Variants in ATRIP observed in about 807,000 individuals in gnomAD.
ATRIP encodes ATR interacting protein.
ATRIP carries 44 observed loss-of-function variants against 78.1 expected under a neutral mutation model. That is an observed-to-expected ratio of 0.56 (90% confidence interval 0.44 to 0.72). ATRIP has a LOEUF of 0.72. Among genes scored for constraint, ATRIP ranks in the 30% least tolerant of loss-of-function variants. The probability of loss-of-function intolerance (pLI) is 0.00; values close to 1 mark genes in which losing one functional copy is unlikely to be tolerated. For synonymous variants in ATRIP, 388 were observed against 408.9 expected, an observed-to-expected ratio of 0.95 and a Z score of 0.62; for missense variants, 927 against 980.2, an observed-to-expected ratio of 0.95 and a Z score of 0.72.
At position 48,460,206 on chromosome 3, in the gene ATRIP, T is replaced by C. The variant is rs952923640; in HGVS notation, c.1152T>C (p.Thr384=). The C allele has an allele frequency of 6.2e-7, 1 of 1,613,944 alleles. No homozygotes were observed. Among genetic ancestry groups the C allele is most frequent in the African/African-American group, 1.3e-5 (1 of 74,948 alleles). The stretch of plus-strand genomic sequence containing the variant: ...GAGAAGCACAGAACCTGGCATTCAC[T>C]GGACTGAATCTGGTTGCCCGGAATG... The part of the protein sequence containing the change: ...ALREAQNLAF[T]GLNLVARNEC... The change falls in exon 8 of 13, where the codon ACT becomes ACC. Residue 384 remains threonine, a synonymous_variant. Coordinates refer to ENST00000320211, the MANE Select transcript of ATRIP (RefSeq NM_130384.3).
At chr3:48,460,827 C>A in intron 8 of ATRIP, 28 bp downstream of exon 8, 1 of 1,557,968 alleles carries the variant, frequency 6.4e-7, no homozygotes, top group Non-Finnish European at 8.7e-7. Flanking sequence ...AGTCATGATT[C>A]TTTGTGGGTC....
Position 48,466,402 on chromosome 3 carries a change from T to G in ATRIP, c.*848T>G. On this transcript the variant is annotated 3_prime_UTR_variant, in exon 13 of 13. Coordinates refer to ENST00000320211, the MANE Select transcript of ATRIP (RefSeq NM_130384.3). ...AGGGGGCACTAGGGGAGGGGCCGAG[T>G]CATGTGAAGAGGGAGACCCTCTCAG... is the stretch of plus-strand genomic sequence containing the variant. 6.3e-7 allele frequency: 1 copy of G among 1,582,020 alleles called. No homozygotes were observed.
At chr3:48,456,600 CAAAAAAAA>C (rs1206195014) in intron 4 of ATRIP, among the ~76,000 whole-genome samples, 2 of 66,280 alleles carry the variant, frequency 3.0e-5, no homozygotes, top group African/African-American at 6.3e-5. Context: ...CCTGTCTCAC[CAAAAAAAA>C]AAAAAAAAAA....
Position 48,457,144 on chromosome 3 carries a change from T to C in ATRIP, c.672-115T>C, listed in dbSNP as rs926536218. ...GGTAGACATATAATAGATAAAACCT[T>C]TGGTTAAAACACCTAGACATGAAAA... On this transcript the variant is annotated intron_variant, in intron 4 of 12. Coordinates refer to ENST00000320211, the MANE Select transcript of ATRIP (RefSeq NM_130384.3). 3 of 952,464 alleles carry C rather than the reference T, an allele frequency of 3.1e-6. No individual in the cohort carries two copies. The African/African-American group carries it at 5.1e-5, about 16-fold the overall frequency. The allele number at this position is 952,464 out of a possible 1,614,324, so 59.0% of individuals were successfully genotyped here. A position where few individuals can be genotyped will look rare whatever the true frequency, so the allele number is the denominator to read the frequency against.
chr3:48,465,800 A>AGCCCT lies in ATRIP; in HGVS notation c.*255_*259dup, dbSNP rs1259585699. ...GGTAACTGATCTGCCTTGAGGAAGG[A>AGCCCT]GCCCTGCCCTGCCTGTGGAATTGTC... On this transcript the variant is annotated 3_prime_UTR_variant, in exon 13 of 13. Coordinates refer to ENST00000320211, the MANE Select transcript of ATRIP (RefSeq NM_130384.3). 2.1e-6 allele frequency: 1 copy of AGCCCT among 471,076 alleles called. No individual in the cohort carries two copies. Among genetic ancestry groups the AGCCCT allele is most frequent in the Non-Finnish European group, 3.9e-6 (1 of 255,584 alleles). 29.2% of individuals were successfully genotyped at this position (471,076 alleles called of 1,614,324 possible). A position where few individuals can be genotyped will look rare whatever the true frequency, so the allele number is the denominator to read the frequency against.
chr3:48,460,283 T>C lies in ATRIP; in HGVS notation c.1229T>C (p.Leu410Pro). 6.2e-7 allele frequency: 1 copy of C among 1,614,146 alleles called. No individual in the cohort carries two copies. The highest frequency in any genetic ancestry group is 2.2e-5 in the East Asian group (1 of 44,880). The change falls in exon 8 of 13, where the codon CTC (leucine) becomes CCC (proline). Residue 410 changes from leucine (L) to proline (P), a missense_variant. Leu to Pro is a moderately conservative substitution (Grantham distance 98). Transcript: ENST00000320211. ...PAEGGRRAFP[L>P]CQLPGAVHFL... is the part of the protein sequence containing the mutation. ...GAGGGAGGCAGAAGGGCCTTCCCAC[T>C]CTGCCAGCTTCCTGGAGCCGTGCAT... is the stretch of plus-strand genomic sequence containing the variant.
chr3:48,450,209 T>A, intron 2 of ATRIP, 39 bp downstream of exon 2: 3 of 1,591,130 alleles, frequency 1.9e-6, no homozygotes, highest in Non-Finnish European at 2.6e-6. Flanking sequence ...GCTAATTCAT[T>A]CACTTACGTG....
chr3:48,449,922 A>G, intron 1 of ATRIP, 115 bp from the exon 2 acceptor site: 1 of 1,166,696 alleles, frequency 8.6e-7, no homozygotes, highest in East Asian at 2.4e-5. Context: ...TGGGTAACAG[A>G]GCAAGACCCT....
intron 1 of ATRIP, among the ~76,000 whole-genome samples, chr3:48,449,740 A>T (rs1175574828): frequency 6.7e-6 from 1 of 149,948 alleles, no homozygotes; most frequent in East Asian, 2.0e-4. Context: ...AGCCTGGCTA[A>T]CATGGTGAAA....
intron 8 of ATRIP, among the ~76,000 whole-genome samples, chr3:48,462,804 AT>A (rs1408623405): frequency 2.0e-5 from 3 of 152,244 alleles, no homozygotes; most frequent in Non-Finnish European, 4.4e-5. Context: ...AGTGGCAGAT[AT>A]TGGACATCTT....
Position 48,466,090 on chromosome 3 carries a change from G to A in ATRIP, c.*536G>A. ...CAGCAGGCCACAGCTGTGGATCTTG[G>A]AAGGCCTCTGGGGTCCCCCGGGAGC... On this transcript the variant is annotated 3_prime_UTR_variant, in exon 13 of 13. Transcript: ENST00000320211. 1 of 374,474 alleles carries A rather than the reference G, an allele frequency of 2.7e-6. No homozygotes were observed. The allele number at this position is 374,474 out of a possible 1,614,324, so 23.2% of individuals were successfully genotyped here. A position where few individuals can be genotyped will look rare whatever the true frequency, so the allele number is the denominator to read the frequency against.
chr3:48,465,821 T>C lies in ATRIP; in HGVS notation c.*267T>C, dbSNP rs148393533. The C allele has an allele frequency of 3.1e-3, 1,285 of 415,586 alleles. 11 individuals carry two copies. Among genetic ancestry groups the C allele is most frequent in the Non-Finnish European group, 3.0e-3 (656 of 222,136 alleles). 25.7% of individuals were successfully genotyped at this position (415,586 alleles called of 1,614,324 possible). A position where few individuals can be genotyped will look rare whatever the true frequency, so the allele number is the denominator to read the frequency against. On this transcript the variant is annotated 3_prime_UTR_variant, in exon 13 of 13. Transcript: ENST00000320211. Reference sequence around the variant, plus strand: ...AAGGAGCCCTGCCCTGCCTGTGGAATTGTCCTGAGTCATTGCTTTGGGCTG... The same window carrying C: ...AAGGAGCCCTGCCCTGCCTGTGGAACTGTCCTGAGTCATTGCTTTGGGCTG...
In ATRIP at chr3:48,446,769, C is replaced by T. The variant is rs539481663; in HGVS notation, c.-77C>T. On this transcript the variant is annotated 5_prime_UTR_variant, in exon 1 of 13. The change creates a new upstream start codon in the 5' untranslated region. Coordinates refer to ENST00000320211, the MANE Select transcript of ATRIP (RefSeq NM_130384.3). ...GCGGAGGCAAGCGGCGGCGCGCGGA[C>T]GGTTGGTCCAGTTCTCCGGCCTGGC... 2.6e-5 allele frequency: 35 copies of T among 1,331,574 alleles called. No homozygotes were observed. In the African/African-American group the frequency reaches 3.3e-4, roughly 13 times the overall value. The allele number at this position is 1,331,574 out of a possible 1,614,324, so 82.5% of individuals were successfully genotyped here.
intron 1 of ATRIP, among the ~76,000 whole-genome samples, chr3:48,447,879 G>T (rs1420504795): frequency 6.6e-6 from 1 of 152,164 alleles, no homozygotes; most frequent in Admixed American, 6.5e-5. Context: ...CCATCCAGTG[G>T]CACAAAGCGA....
At chr3:48,454,707 C>T (rs1164733960) in intron 4 of ATRIP, among the ~76,000 whole-genome samples, 2 of 152,060 alleles carry the variant, frequency 1.3e-5, no homozygotes, top group Non-Finnish European at 2.9e-5. Context: ...TGGGGGTGGG[C>T]TAGTCTCTAC....
chr3:48,457,448 C>T, intron 5 of ATRIP, 32 bp downstream of exon 5: 1 of 1,427,422 alleles, frequency 7.0e-7, no homozygotes, highest in Non-Finnish European at 9.3e-7. Context: ...TGATGTATAA[C>T]AAGCTACCCA....
chr3:48,450,967 T>C (rs1236455370), intron 2 of ATRIP, among the ~76,000 whole-genome samples: 2 of 149,928 alleles, frequency 1.3e-5, no homozygotes, highest in Non-Finnish European at 3.0e-5. Context: ...GGCCAGTGGA[T>C]CACCTGAGGT....
chr3:48,452,105 T>C (rs1252116428), intron 3 of ATRIP, among the ~76,000 whole-genome samples: 3 of 152,244 alleles, frequency 2.0e-5, no homozygotes, highest in Non-Finnish European at 4.4e-5. Context: ...GCTGTGGTAG[T>C]TGGTCTTGGC....
rs1560113388 is a variant in ATRIP, at chr3:48,467,389, C to G, written c.*1835C>G. On this transcript the variant is annotated 3_prime_UTR_variant, in exon 13 of 13. Coordinates refer to ENST00000320211, the MANE Select transcript of ATRIP (RefSeq NM_130384.3). Reference sequence around the variant, plus strand: ...GCCTCTGCTAGGACCAAGCCAAGACCATCTGCTGTCACAACCACTGCACAC... The same window carrying G: ...GCCTCTGCTAGGACCAAGCCAAGACGATCTGCTGTCACAACCACTGCACAC... 6.2e-7 allele frequency: 1 copy of G among 1,614,222 alleles called. No homozygotes were observed. The highest frequency in any genetic ancestry group is 8.5e-7 in the Non-Finnish European group (1 of 1,180,040).
Sources: allele counts gnomAD v4.1 joint callset (sites outside exome capture counted in the v4.1 genomes callset), GRCh38; gene constraint gnomAD v4.1.1; transcripts MANE v1.5; gene names NCBI Gene and HGNC (gene_info 2026-07-23, HGNC 2026-07-21).